The following CNTNAP2 variants were observed in gnomAD, a reference collection of about 807,000 sequenced individuals.
CNTNAP2 encodes contactin associated protein 2, also known as contactin-associated protein-like 2.
CNTNAP2 carries 98 observed loss-of-function variants against 155.2 expected under a neutral mutation model. The observed-to-expected ratio is 0.63, with a 90% confidence interval of 0.54 to 0.75. The LOEUF is 0.75. Ranked by LOEUF, CNTNAP2 falls within the 30% of genes least tolerant of loss-of-function variation. The probability of loss-of-function intolerance (pLI) is 0.00; values close to 1 mark genes in which losing one functional copy is unlikely to be tolerated. For missense variants in CNTNAP2, 1,727 were observed against 1,688.1 expected, an observed-to-expected ratio of 1.02 and a Z score of -0.40; for synonymous variants, 651 against 631.2, an observed-to-expected ratio of 1.03 and a Z score of -0.47.
At chr7:147,087,392 C>T in intron 4 of CNTNAP2, among the ~76,000 whole-genome samples, 1 of 152,060 alleles carries the variant, frequency 6.6e-6, no homozygotes, top group East Asian at 1.9e-4. Context: ...AACCAGTGGT[C>T]ATCCCTAGCA....
chr7:146,163,684 G>A (rs1798267962), intron 1 of CNTNAP2, among the ~76,000 whole-genome samples: 1 of 149,548 alleles, frequency 6.7e-6, no homozygotes, highest in Admixed American at 6.7e-5. Context: ...GGACGGGGAG[G>A]TAGCAGTGAC....
At chr7:147,263,424 C>T (rs1044217445) in intron 8 of CNTNAP2, among the ~76,000 whole-genome samples, 9 of 151,744 alleles carry the variant, frequency 5.9e-5, no homozygotes, top group African/African-American at 1.2e-4. Context: ...TGGGAGTCTG[C>T]AAGGTCTTCT....
At chr7:148,090,076 T>A (rs1803809330) in intron 15 of CNTNAP2, among the ~76,000 whole-genome samples, 1 of 151,998 alleles carries the variant, frequency 6.6e-6, no homozygotes, top group African/African-American at 2.4e-5. Context: ...AACTAGGCTC[T>A]CATTTTACAC....
intron 12 of CNTNAP2, among the ~76,000 whole-genome samples, chr7:147,597,806 G>C (rs62483176): frequency 6.6e-6 from 1 of 151,990 alleles, no homozygotes; most frequent in East Asian, 1.9e-4. Context: ...CTGATAGTTC[G>C]GAAACGTGTG....
At chr7:146,280,092 C>T (rs376505107) in intron 1 of CNTNAP2, among the ~76,000 whole-genome samples, 6 of 152,028 alleles carry the variant, frequency 3.9e-5, no homozygotes, top group African/African-American at 9.6e-5. Context: ...GTGTGCGTGT[C>T]GATGTGTGTG....
Position 147,104,945 on chromosome 7 carries a change from A to G in CNTNAP2, c.551-3202A>G, listed in dbSNP as rs1029060289. Reference sequence around the variant, plus strand: ...ATTATTCCATACCTTATATAGTTGGATAGATATTTAGGTAAATATGTAAAA... The same window carrying G: ...ATTATTCCATACCTTATATAGTTGGGTAGATATTTAGGTAAATATGTAAAA... On this transcript the variant is annotated intron_variant, in intron 4 of 23. Transcript: ENST00000361727. Among the ~76,000 whole-genome samples the G allele has an allele frequency of 7.1e-4, 102 of 144,356 alleles. 1 individual carries two copies. Among genetic ancestry groups the G allele is most frequent in the African/African-American group, 2.1e-3 (85 of 40,080 alleles). 94.7% of individuals were successfully genotyped at this position (144,356 alleles called of 152,430 possible). A position where few individuals can be genotyped will look rare whatever the true frequency, so the allele number is the denominator to read the frequency against.
intron 15 of CNTNAP2, among the ~76,000 whole-genome samples, chr7:147,992,058 G>A (rs559419975): frequency 1.1e-4 from 14 of 125,616 alleles, no homozygotes; most frequent in African/African-American, 4.4e-4. Flanking sequence ...CTAAACTATT[G>A]TAAAAACATA....
chr7:146,557,471 T>G (rs1038597396), intron 1 of CNTNAP2, among the ~76,000 whole-genome samples: 11 of 152,206 alleles, frequency 7.2e-5, no homozygotes, highest in Middle Eastern at 3.4e-3. Context: ...TTCTATTGTC[T>G]ATTAGAGTAT....
intron 1 of CNTNAP2, among the ~76,000 whole-genome samples, chr7:146,202,128 T>C (rs1798873331): frequency 6.6e-6 from 1 of 152,226 alleles, no homozygotes; most frequent in African/African-American, 2.4e-5. Flanking sequence ...CTAATGGAGA[T>C]TATCAGGGGC....
chr7:146,648,982 A>G (rs1799861461), intron 1 of CNTNAP2, among the ~76,000 whole-genome samples: 1 of 152,082 alleles, frequency 6.6e-6, no homozygotes, highest in Non-Finnish European at 1.5e-5. Flanking sequence ...TGTAGTAGAC[A>G]GAAGAAGACA....
At chr7:148,408,338 A>C (rs1279586921) in intron 22 of CNTNAP2, among the ~76,000 whole-genome samples, 4 of 152,222 alleles carry the variant, frequency 2.6e-5, no homozygotes, top group African/African-American at 9.6e-5. Context: ...AGAATCTGGA[A>C]TCTCCCTTTT....
intron 21 of CNTNAP2, among the ~76,000 whole-genome samples, chr7:148,287,030 T>A (rs1797096455): frequency 6.6e-6 from 1 of 152,038 alleles, no homozygotes; most frequent in Non-Finnish European, 1.5e-5. Context: ...TCATAGAGAG[T>A]GGTTCCCCTG....
chr7:147,039,647 G>A (rs1260680983), intron 3 of CNTNAP2, among the ~76,000 whole-genome samples: 2 of 152,180 alleles, frequency 1.3e-5, no homozygotes, highest in African/African-American at 4.8e-5. Context: ...GCATGCATGT[G>A]TCTTTGTGGT....
At chr7:147,948,646 TACAC>T (rs997059445) in intron 14 of CNTNAP2, among the ~76,000 whole-genome samples, 2 of 148,622 alleles carry the variant, frequency 1.3e-5, no homozygotes, top group African/African-American at 2.5e-5. Context: ...CACACACATA[TACAC>T]ACACACACAT....
chr7:147,822,439 A>G (rs1798376806), intron 13 of CNTNAP2, among the ~76,000 whole-genome samples: 1 of 152,172 alleles, frequency 6.6e-6, no homozygotes, highest in African/African-American at 2.4e-5. Context: ...AAATCCAAAA[A>G]GAGTCTATTT....
chr7:146,933,437 T>G (rs1796828950), intron 3 of CNTNAP2, among the ~76,000 whole-genome samples: 1 of 151,310 alleles, frequency 6.6e-6, no homozygotes, highest in Non-Finnish European at 1.5e-5. Flanking sequence ...AAAAATTAAT[T>G]CAGGATGGAT....
intron 23 of CNTNAP2, among the ~76,000 whole-genome samples, chr7:148,411,406 C>T (rs935383588): frequency 6.6e-6 from 1 of 152,118 alleles, no homozygotes; most frequent in Non-Finnish European, 1.5e-5. Context: ...GCTGGAACTA[C>T]AGGCACGCAT....
intron 13 of CNTNAP2, among the ~76,000 whole-genome samples, chr7:147,888,888 G>A (rs1208566861): frequency 1.3e-5 from 2 of 151,552 alleles, no homozygotes; most frequent in African/African-American, 4.8e-5. Flanking sequence ...GAAAAAAGAG[G>A]GAACAAAGAA....
At chr7:146,770,574 G>A (rs1183356076) in intron 1 of CNTNAP2, among the ~76,000 whole-genome samples, 2 of 151,536 alleles carry the variant, frequency 1.3e-5, no homozygotes, top group East Asian at 3.9e-4. Context: ...ATTGCTTATT[G>A]GCCCTGATCT....
Sources: gnomAD v4.1 joint callset for allele counts (sites outside exome capture counted in the v4.1 genomes callset) on GRCh38, gnomAD v4.1.1 for gene constraint, MANE v1.5 for transcripts, NCBI Gene and HGNC (gene_info 2026-07-23, HGNC 2026-07-21) for gene names.